CDC23: variants seen among roughly 807,000 people sequenced by gnomAD.
The protein encoded by CDC23 is cell division cycle 23.
In CDC23, 26 loss-of-function variants were observed where a neutral mutation model predicts 81.7. The ratio of observed to expected loss-of-function variants is 0.32; its 90% CI spans 0.23 to 0.44. The LOEUF (loss-of-function observed/expected upper bound fraction) is 0.44. Ranked by LOEUF, CDC23 falls within the 20% of genes least tolerant of loss-of-function variation. The pLI is 1.00. For synonymous variants in CDC23, 267 were observed against 270.8 expected (o/e 0.99, Z 0.14); for missense variants, 519 against 728.0 (o/e 0.71, Z 3.30).
rs896500841 is a variant in CDC23 at position 138,202,650 on chromosome 5, A to T, written c.373-495T>A. 3.3e-5 allele frequency among the ~76,000 whole-genome samples: 5 copies of T among 152,342 alleles called. No homozygotes were observed. The South Asian group carries it at 8.3e-4, about 25-fold the overall frequency. On this transcript the variant is annotated intron_variant, in intron 3 of 15. Transcript: ENST00000394886. ...AATCTGGAGTTATCTGAGCACCAAA[A>T]TAATTAAGTAATGAATTATGTACAA...
At position 138,189,161 on chromosome 5, in the gene CDC23, CAG is replaced by C. The variant is rs1561632182; in HGVS notation, c.1624-15_1624-14del. The C allele has an allele frequency of 6.2e-7, 1 of 1,609,988 alleles. No homozygotes were observed. On this transcript the variant is annotated splice_polypyrimidine_tract_variant and intron_variant, in intron 15 of 15. Coordinates refer to ENST00000394886, the MANE Select transcript of CDC23 (RefSeq NM_004661.4). The stretch of plus-strand genomic sequence containing the variant: ...CTTCTTCCCGGGTCTGCAACAAAGT[CAG>C]GGAAATGTTTCAAAACATGTCCAAA...
chr5:138,191,098 G>A (rs1754821896), intron 13 of CDC23, among the ~76,000 whole-genome samples: 1 of 152,104 alleles, frequency 6.6e-6, no homozygotes, highest in African/African-American at 2.4e-5. Flanking sequence ...CCTCCTTCAA[G>A]AGAAGTAGCA....
chr5:138,190,387 G>A (rs1289473574), intron 13 of CDC23, among the ~76,000 whole-genome samples: 1 of 151,664 alleles, frequency 6.6e-6, no homozygotes, highest in Non-Finnish European at 1.5e-5. Flanking sequence ...TAACTTGGAA[G>A]GTGGAGGTTG....
intron 3 of CDC23, 177 bp downstream of exon 3, chr5:138,206,370 T>C (rs1561637303): frequency 1.5e-6 from 1 of 653,500 alleles, no homozygotes; most frequent in Non-Finnish European, 2.7e-6. Context: ...AAGAATATTT[T>C]CTTCTCTACC....
At chr5:138,197,304 CAAAAA>C (rs33974714) in intron 9 of CDC23, among the ~76,000 whole-genome samples, 2 of 58,354 alleles carry the variant, frequency 3.4e-5, no homozygotes, top group Non-Finnish European at 6.0e-5. Flanking sequence ...ACTCTGTCAC[CAAAAA>C]AAAAAAAAAA....
At chr5:138,200,618 G>A (rs922029073) in intron 6 of CDC23, among the ~76,000 whole-genome samples, 5 of 151,698 alleles carry the variant, frequency 3.3e-5, no homozygotes, top group Admixed American at 3.3e-4. Context: ...TCAGGAGTTC[G>A]AAGCCAGCCT....
At chr5:138,197,113 C>T (rs1754921348) in intron 9 of CDC23, among the ~76,000 whole-genome samples, 2 of 149,410 alleles carry the variant, frequency 1.3e-5, no homozygotes, top group Non-Finnish European at 3.0e-5. Flanking sequence ...AAAAAAGAAT[C>T]GTTGTAGTAG....
Position 138,195,770 on chromosome 5 carries a change from ATG to A in CDC23, c.1012+2427_1012+2428del, listed in dbSNP as rs1483145209. 1.3e-4 allele frequency among the ~76,000 whole-genome samples: 15 copies of A among 118,620 alleles called. 1 individual carries two copies. Among genetic ancestry groups the A allele is most frequent in the South Asian group, 4.6e-4 (2 of 4,390 alleles). The allele number at this position is 118,620 out of a possible 152,430, so 77.8% of individuals were successfully genotyped here. A position where few individuals can be genotyped will look rare whatever the true frequency, so the allele number is the denominator to read the frequency against. ...ATGTATATATATACATATATTATAT[ATG>A]TGTATATATACATATATTTTATATA... is the stretch of plus-strand genomic sequence containing the variant. On this transcript the variant is annotated intron_variant, in intron 9 of 15. Transcript: ENST00000394886.
chr5:138,197,198 C>A (rs1214595394), intron 9 of CDC23, among the ~76,000 whole-genome samples: 8 of 147,364 alleles, frequency 5.4e-5, no homozygotes, highest in African/African-American at 2.1e-4. Flanking sequence ...CCCAGCTACT[C>A]GGGAGGCTGA....
rs1754787976 is a variant in CDC23, at chr5:138,188,853, T to A, written c.*125A>T. The A allele has an allele frequency of 1.2e-6, 1 of 838,108 alleles. No homozygotes were observed. The highest frequency in any genetic ancestry group is 1.7e-5 in the African/African-American group (1 of 57,884). The allele number at this position is 838,108 out of a possible 1,614,324, so 51.9% of individuals were successfully genotyped here. On this transcript the variant is annotated 3_prime_UTR_variant, in exon 16 of 16. Transcript: ENST00000394886. ...AAGGTAATTATACAAGCTGTCCCTA[T>A]GGAGCTGTTGCCATCTGTAGAAACA...
intron 3 of CDC23, among the ~76,000 whole-genome samples, chr5:138,203,570 T>C (rs1308262430): frequency 6.6e-6 from 1 of 152,078 alleles, no homozygotes; most frequent in African/African-American, 2.4e-5. Flanking sequence ...GATTCTAGAT[T>C]GTACTGAGGG....
chr5:138,193,959 C>CAAA (rs79351836), intron 9 of CDC23, among the ~76,000 whole-genome samples: 1 of 120,538 alleles, frequency 8.3e-6, no homozygotes, highest in African/African-American at 3.1e-5. Context: ...ACTCCGTCTC[C>CAAA]AAAAAAAAAA....
chr5:138,193,631 C>CAA lies in CDC23; in HGVS notation c.1013-976_1013-975dup, dbSNP rs532362948. ...GAAAAAAAGAGGTATGATTCTGTCT[C>CAA]AAAAAAAAAAAACAGGTACCTCAAG... is the stretch of plus-strand genomic sequence containing the variant. On this transcript the variant is annotated intron_variant, in intron 9 of 15. Transcript: ENST00000394886. Among the ~76,000 whole-genome samples, 580 of 132,864 alleles carry CAA rather than the reference C, an allele frequency of 4.4e-3. 4 individuals are homozygous for CAA. Among genetic ancestry groups the CAA allele is most frequent in the South Asian group, 0.035 (145 of 4,178 alleles). The allele number at this position is 132,864 out of a possible 152,430, so 87.2% of individuals were successfully genotyped here. A position where few individuals can be genotyped will look rare whatever the true frequency, so the allele number is the denominator to read the frequency against.
chr5:138,188,043 C>A lies in CDC23; in HGVS notation c.*935G>T, dbSNP rs989674279. 3.3e-5 allele frequency: 5 copies of A among 152,232 alleles called. No individual in the cohort carries two copies. Among genetic ancestry groups the A allele is most frequent in the African/African-American group, 7.2e-5 (3 of 41,420 alleles). The allele number at this position is 152,232 out of a possible 1,614,324, so 9.4% of individuals were successfully genotyped here. Reference sequence around the variant, plus strand: ...CACACATGCACAGGCCTGAAACTCTCCAAGAGCACCATAAGAATGATTCCC... The same window carrying A: ...CACACATGCACAGGCCTGAAACTCTACAAGAGCACCATAAGAATGATTCCC... On this transcript the variant is annotated 3_prime_UTR_variant, in exon 16 of 16. Coordinates refer to ENST00000394886, the MANE Select transcript of CDC23 (RefSeq NM_004661.4).
chr5:138,191,119 A>T (rs1367030141), intron 13 of CDC23, among the ~76,000 whole-genome samples: 1 of 151,818 alleles, frequency 6.6e-6, no homozygotes, highest in Non-Finnish European at 1.5e-5. Flanking sequence ...TTCTCTTTTT[A>T]TTTTTTTTAT....
intron 6 of CDC23, among the ~76,000 whole-genome samples, 175 bp from the exon 7 acceptor site, chr5:138,198,957 G>A (rs1316280531): frequency 6.6e-6 from 1 of 152,192 alleles, no homozygotes; most frequent in Non-Finnish European, 1.5e-5. Context: ...GCATAATAGG[G>A]AGGAACAGCC....
At chr5:138,196,345 C>T (rs1754905214) in intron 9 of CDC23, among the ~76,000 whole-genome samples, 1 of 150,354 alleles carries the variant, frequency 6.7e-6, no homozygotes, top group East Asian at 2.0e-4. Flanking sequence ...GGCTGGAGCA[C>T]AGTGGCATGA....
At chr5:138,198,393 C>T (rs1388007400) in intron 8 of CDC23, 33 bp downstream of exon 8, 4 of 1,604,540 alleles carry the variant, frequency 2.5e-6, no homozygotes, top group Non-Finnish European at 3.4e-6. Context: ...CACAAAAGAG[C>T]TTAATCAAAT....
intron 3 of CDC23, among the ~76,000 whole-genome samples, chr5:138,205,689 T>A (rs1392532398): frequency 1.5e-5 from 2 of 129,634 alleles, no homozygotes; most frequent in African/African-American, 2.7e-5. Context: ...GTTAAAATGG[T>A]AAATTGGAAA....
Sources: gnomAD v4.1 joint callset for allele counts (sites outside exome capture counted in the v4.1 genomes callset) on GRCh38, gnomAD v4.1.1 for gene constraint, MANE v1.5 for transcripts, NCBI Gene and HGNC (gene_info 2026-07-23, HGNC 2026-07-21) for gene names.